LHFPL6: variants seen among roughly 807,000 people sequenced by gnomAD.
LHFPL6 encodes the protein LHFPL tetraspan subfamily member 6, also known as LHFPL tetraspan subfamily member 6 protein.
Under a neutral mutation model 20.6 loss-of-function variants are expected in LHFPL6, and 9 were observed. The observed-to-expected ratio is 0.44, with a 90% CI of 0.26 to 0.76. The LOEUF (loss-of-function observed/expected upper bound fraction) is 0.76. LHFPL6 is among the 30% of genes least tolerant of loss of function. LHFPL6 has a pLI of 0.20. For synonymous variants in LHFPL6, 105 were observed against 98.7 expected (o/e 1.06, Z -0.38); for missense variants, 218 against 253.5 (o/e 0.86, Z 0.95).
chr13:39,364,060 G>A (rs1007454672), intron 3 of LHFPL6, among the ~76,000 whole-genome samples: 19 of 152,258 alleles, frequency 1.2e-4, no homozygotes, highest in Admixed American at 6.5e-4. Context: ...CATCACACAT[G>A]CGATCCATCA....
rs57695621 is a variant in LHFPL6 at position 39,441,137 on chromosome 13, ATT to A, written c.386-62613_386-62612del. 4.7e-3 allele frequency among the ~76,000 whole-genome samples: 429 copies of A among 91,412 alleles called. 2 individuals are homozygous for A. Among genetic ancestry groups the A allele is most frequent in the African/African-American group, 0.015 (350 of 23,542 alleles). The allele number at this position is 91,412 out of a possible 152,430, so 60.0% of individuals were successfully genotyped here. On this transcript the variant is annotated intron_variant, in intron 2 of 3. Transcript: ENST00000379589. ...CAGGCATGTGCCACCATGCCAACTA[ATT>A]TTTTTTTTTTTTTTTTTTTTTTTTT...
rs569579330 is a variant in LHFPL6, at chr13:39,543,997, G to A, written c.385+56835C>T. Among the ~76,000 whole-genome samples the A allele has an allele frequency of 4.1e-4, 63 of 152,202 alleles. 1 individual carries two copies. Among genetic ancestry groups the A allele is most frequent in the African/African-American group, 1.1e-3 (45 of 41,528 alleles). On this transcript the variant is annotated intron_variant, in intron 2 of 3. Coordinates refer to ENST00000379589, the MANE Select transcript of LHFPL6 (RefSeq NM_005780.3). ...TGCTGTGTCCTTTCTTTTATATTTC[G>A]ACTAGTTGGAAAACTATCATAGACT...
intron 2 of LHFPL6, among the ~76,000 whole-genome samples, chr13:39,467,582 G>C (rs534823994): frequency 6.6e-6 from 1 of 152,116 alleles, no homozygotes; most frequent in African/African-American, 2.4e-5. Flanking sequence ...TATCTACCTG[G>C]AAACTAGATC....
chr13:39,392,362 A>T (rs975750645), intron 2 of LHFPL6, among the ~76,000 whole-genome samples: 6 of 152,228 alleles, frequency 3.9e-5, no homozygotes, highest in Non-Finnish European at 2.9e-5. Flanking sequence ...TGGAAGGCCA[A>T]GGCAGGTGGA....
chr13:39,522,600 C>A (rs1017486454), intron 2 of LHFPL6, among the ~76,000 whole-genome samples: 1 of 152,192 alleles, frequency 6.6e-6, no homozygotes. Flanking sequence ...TCAGCTTGCA[C>A]ACTGCCATTA....
intron 2 of LHFPL6, among the ~76,000 whole-genome samples, chr13:39,386,960 A>C (rs775361940): frequency 4.6e-5 from 7 of 152,202 alleles, no homozygotes; most frequent in African/African-American, 9.6e-5. Flanking sequence ...CGAAGCCTCA[A>C]CACATTGCCT....
intron 2 of LHFPL6, among the ~76,000 whole-genome samples, chr13:39,392,411 A>G (rs774889497): frequency 1.3e-5 from 2 of 152,202 alleles, no homozygotes; most frequent in Non-Finnish European, 2.9e-5. Flanking sequence ...CCTGGCCAAC[A>G]TGGTGAAACC....
At chr13:39,582,441 C>A (rs1181730180) in intron 2 of LHFPL6, among the ~76,000 whole-genome samples, 1 of 152,048 alleles carries the variant, frequency 6.6e-6, no homozygotes, top group Admixed American at 6.6e-5. Context: ...CAATGCAGAG[C>A]CAATCCTACA....
chr13:39,474,737 A>T (rs7317971), intron 2 of LHFPL6, among the ~76,000 whole-genome samples: 147,886 of 152,090 alleles, frequency 0.97, 72,028 homozygotes, highest in East Asian at 1. Context: ...AGCTGTCAGA[A>T]GATGTCCCAG....
chr13:39,364,574 C>G (rs1363532770), intron 3 of LHFPL6, among the ~76,000 whole-genome samples: 1 of 152,162 alleles, frequency 6.6e-6, no homozygotes, highest in East Asian at 1.9e-4. Flanking sequence ...ACGAGTGGAG[C>G]GGCTTCTGAA....
At chr13:39,560,226 T>A (rs540768456) in intron 2 of LHFPL6, among the ~76,000 whole-genome samples, 5 of 152,348 alleles carry the variant, frequency 3.3e-5, no homozygotes, top group Admixed American at 2.6e-4. Context: ...AGTGCTTCAA[T>A]GAATTAAATG....
chr13:39,569,422 C>A (rs1034011549), intron 2 of LHFPL6, among the ~76,000 whole-genome samples: 1 of 151,910 alleles, frequency 6.6e-6, no homozygotes, highest in Non-Finnish European at 1.5e-5. Context: ...GTCTCATTTT[C>A]AAAAGGAGAA....
At chr13:39,517,639 T>C (rs1869970123) in intron 2 of LHFPL6, among the ~76,000 whole-genome samples, 1 of 152,210 alleles carries the variant, frequency 6.6e-6, no homozygotes, top group Admixed American at 6.5e-5. Flanking sequence ...CACCATTATA[T>C]GTCCCTGTTT....
chr13:39,602,233 C>A (rs910520718), intron 1 of LHFPL6, among the ~76,000 whole-genome samples: 1 of 152,136 alleles, frequency 6.6e-6, no homozygotes, highest in Admixed American at 6.5e-5. Flanking sequence ...CTCACACTTT[C>A]CATAAAGAAA....
intron 2 of LHFPL6, among the ~76,000 whole-genome samples, chr13:39,571,841 C>T (rs1871925649): frequency 1.3e-5 from 2 of 152,224 alleles, no homozygotes; most frequent in South Asian, 4.1e-4. Context: ...GGTGACATGC[C>T]TGGTCTGGCC....
intron 2 of LHFPL6, among the ~76,000 whole-genome samples, chr13:39,563,573 G>A (rs965807047): frequency 6.6e-6 from 1 of 152,154 alleles, no homozygotes; most frequent in Non-Finnish European, 1.5e-5. Context: ...ATTCTCAAGA[G>A]CAGAATCATT....
chr13:39,546,558 C>T (rs1033018955), intron 2 of LHFPL6, among the ~76,000 whole-genome samples: 5 of 152,106 alleles, frequency 3.3e-5, no homozygotes, highest in Non-Finnish European at 5.9e-5. Context: ...GATAAACCAG[C>T]CATCTGGGTT....
At chr13:39,578,828 A>G (rs1872195013) in intron 2 of LHFPL6, among the ~76,000 whole-genome samples, 1 of 152,216 alleles carries the variant, frequency 6.6e-6, no homozygotes, top group African/African-American at 2.4e-5. Context: ...CTCAGGAAAG[A>G]GAAGATTCCC....
chr13:39,382,921 A>C (rs1870478788), intron 2 of LHFPL6, among the ~76,000 whole-genome samples: 1 of 152,142 alleles, frequency 6.6e-6, no homozygotes, highest in Non-Finnish European at 1.5e-5. Flanking sequence ...AGACTCCAAA[A>C]ATTTGAGAAA....
Sources: gnomAD v4.1 joint callset for allele counts (sites outside exome capture counted in the v4.1 genomes callset) on GRCh38, gnomAD v4.1.1 for gene constraint, MANE v1.5 for transcripts, NCBI Gene and HGNC (gene_info 2026-07-23, HGNC 2026-07-21) for gene names.